The following PKN2 variants were observed in gnomAD, a reference collection of about 807,000 sequenced individuals.
PKN2 encodes the protein serine/threonine-protein kinase N2.
PKN2 carries 38 observed loss-of-function variants against 119.1 expected under a neutral mutation model. The ratio of observed to expected loss-of-function variants is 0.32; its 90% confidence interval spans 0.25 to 0.42. The LOEUF is 0.42. PKN2 is among the 10% of genes least tolerant of loss of function. PKN2 has a pLI of 1.00. For missense variants in PKN2, 850 were observed against 1,165.1 expected, an observed-to-expected ratio of 0.73 and a Z score of 3.94; for synonymous variants, 390 against 384.9, an observed-to-expected ratio of 1.01 and a Z score of -0.15.
chr1:88,825,822 C>T (rs1463519923), intron 18 of PKN2, among the ~76,000 whole-genome samples: 1 of 152,202 alleles, frequency 6.6e-6, no homozygotes, highest in East Asian at 1.9e-4. Flanking sequence ...GATAAGGTGA[C>T]ATACAGTGCC....
At chr1:88,721,902 A>G (rs1315875625) in intron 1 of PKN2, among the ~76,000 whole-genome samples, 4 of 152,082 alleles carry the variant, frequency 2.6e-5, no homozygotes, top group Non-Finnish European at 5.9e-5. Flanking sequence ...CACACATGGA[A>G]TTTTCTGAGG....
chr1:88,786,664 C>T (rs953960957), intron 8 of PKN2, among the ~76,000 whole-genome samples: 5 of 152,048 alleles, frequency 3.3e-5, no homozygotes, highest in Admixed American at 2.0e-4. Flanking sequence ...GGCCATAGAA[C>T]CCATCAGAAG....
At chr1:88,804,260 A>G (rs1168997693) in intron 8 of PKN2, 131 bp from the exon 9 acceptor site, 1 of 666,054 alleles carries the variant, frequency 1.5e-6, no homozygotes, top group African/African-American at 1.8e-5. Flanking sequence ...CCTCTTTAAA[A>G]CAGTGTGACC....
At chr1:88,797,829 T>G (rs1221458496) in intron 8 of PKN2, among the ~76,000 whole-genome samples, 1 of 151,262 alleles carries the variant, frequency 6.6e-6, no homozygotes, top group East Asian at 2.0e-4. Flanking sequence ...CATTTAGCAC[T>G]GTGAGAAATG....
intron 19 of PKN2, chr1:88,829,098 C>G: frequency 1.4e-6 from 1 of 707,924 alleles, no homozygotes; most frequent in Non-Finnish European, 2.7e-6. Context: ...TTCGTAAGAA[C>G]AAAATGGATG....
At chr1:88,743,234 G>A (rs1281307400) in intron 2 of PKN2, among the ~76,000 whole-genome samples, 1 of 152,090 alleles carries the variant, frequency 6.6e-6, no homozygotes, top group Non-Finnish European at 1.5e-5. Flanking sequence ...ATGACAAAAT[G>A]CACGTATTTT....
intron 1 of PKN2, among the ~76,000 whole-genome samples, chr1:88,709,414 G>C (rs1480179151): frequency 6.6e-6 from 1 of 152,126 alleles, no homozygotes. Flanking sequence ...AAATATGGCA[G>C]GGGAAGATAG....
intron 6 of PKN2, among the ~76,000 whole-genome samples, chr1:88,783,442 C>A (rs887639843): frequency 6.6e-6 from 1 of 151,148 alleles, no homozygotes; most frequent in African/African-American, 2.5e-5. Flanking sequence ...GATCACTATT[C>A]GTCTTTAACC....
At chr1:88,800,792 TTTTG>T (rs577794923) in intron 8 of PKN2, among the ~76,000 whole-genome samples, 1 of 152,232 alleles carries the variant, frequency 6.6e-6, no homozygotes, top group East Asian at 1.9e-4. Context: ...CTCTTACCTT[TTTTG>T]TTTACTTTCA....
intron 16 of PKN2, among the ~76,000 whole-genome samples, chr1:88,821,294 A>G (rs1672281019): frequency 6.6e-6 from 1 of 152,186 alleles, no homozygotes; most frequent in Non-Finnish European, 1.5e-5. Flanking sequence ...ATAATATGAT[A>G]AAAGCCTTAT....
chr1:88,818,858 C>T (rs187332990), intron 16 of PKN2, among the ~76,000 whole-genome samples: 1 of 152,106 alleles, frequency 6.6e-6, no homozygotes, highest in Non-Finnish European at 1.5e-5. Context: ...AGAACAGAGG[C>T]CTCAGAAATA....
chr1:88,829,173 T>G (rs1029738012), intron 19 of PKN2: 1 of 739,880 alleles, frequency 1.4e-6, no homozygotes, highest in African/African-American at 1.7e-5. Flanking sequence ...ATTGATATCA[T>G]CCGATGGCCA....
In PKN2 at chr1:88,734,433, G is replaced by A. The variant is rs560779047; in HGVS notation, c.49-6555G>A. On this transcript the variant is annotated intron_variant, in intron 1 of 21. Transcript: ENST00000370521. ...TTTCATTCTCTCATGTGGATATCCA[G>A]TTTTCCCAACACCACTTGTTGCCCT... Among the ~76,000 whole-genome samples, 9 of 152,266 alleles carry A rather than the reference G, an allele frequency of 5.9e-5. No individual in the cohort carries two copies. The South Asian group carries it at 1.7e-3, about 28-fold the overall frequency.
chr1:88,812,473 T>C (rs575071004), intron 15 of PKN2, among the ~76,000 whole-genome samples: 1 of 152,218 alleles, frequency 6.6e-6, no homozygotes, highest in South Asian at 2.1e-4. Context: ...GGTATGGTGG[T>C]TCATACCTGT....
rs369061418 is a variant in PKN2, at chr1:88,828,588, C to T, written c.2527C>T (p.Leu843Phe). ...SYTRAVDWWGLGVLIYEMLVG... is the reference protein window; with the variant it reads ...SYTRAVDWWGFGVLIYEMLVG... ...TACAAGGGCTGTAGATTGGTGGGGC[C>T]TTGGCGTGCTTATATATGAAATGCT... is the stretch of plus-strand genomic sequence containing the variant. The change falls in exon 19 of 22, where the codon CTT becomes TTT. Residue 843 changes from leucine to phenylalanine, a missense_variant. Coordinates refer to ENST00000370521, the MANE Select transcript of PKN2 (RefSeq NM_006256.4). 3.2e-5 allele frequency: 52 copies of T among 1,612,782 alleles called. No homozygotes were observed. The highest frequency in any genetic ancestry group is 4.1e-5 in the Non-Finnish European group (48 of 1,179,132).
chr1:88,781,299 T>A (rs1424802688), intron 6 of PKN2: 1 of 281,012 alleles, frequency 3.6e-6, no homozygotes, highest in East Asian at 1.5e-4. Context: ...AAGGTATAAT[T>A]GTTTTTTTGT....
Position 88,807,675 on chromosome 1 carries a change from T to G in PKN2, c.2011-9T>G, listed in dbSNP as rs1412670757. 1 of 1,575,710 alleles carries G rather than the reference T, an allele frequency of 6.3e-7. No individual in the cohort carries two copies. Among genetic ancestry groups the G allele is most frequent in the South Asian group, 1.2e-5 (1 of 85,938 alleles). On this transcript the variant is annotated splice_polypyrimidine_tract_variant and intron_variant, in intron 14 of 21. Transcript: ENST00000370521. ...CAAGTGGAAAATAATTATTTTAATT[T>G]TATTTCAGGTGCTTTTAGCTGAATA...
chr1:88,703,691 A>G (rs1355546336), intron 1 of PKN2, among the ~76,000 whole-genome samples: 1 of 152,206 alleles, frequency 6.6e-6, no homozygotes, highest in African/African-American at 2.4e-5. Context: ...TTCTAGGAAC[A>G]ACATAATGTG....
chr1:88,821,476 A>G lies in PKN2; in HGVS notation c.2280-465A>G, dbSNP rs150745200. Among the ~76,000 whole-genome samples the G allele has an allele frequency of 2.0e-5, 3 of 152,310 alleles. No individual in the cohort carries two copies. The East Asian group carries it at 5.8e-4, about 29-fold the overall frequency. On this transcript the variant is annotated intron_variant, in intron 16 of 21. Transcript: ENST00000370521. Reference sequence around the variant, plus strand: ...TGACATTCAAGGTCCTTCGCCCAGGATATCTTTTCAGCCTAATCTCCTACT... The same window carrying G: ...TGACATTCAAGGTCCTTCGCCCAGGGTATCTTTTCAGCCTAATCTCCTACT...
Sources: gnomAD v4.1 joint callset for allele counts (sites outside exome capture counted in the v4.1 genomes callset) on GRCh38, gnomAD v4.1.1 for gene constraint, MANE v1.5 for transcripts, NCBI Gene and HGNC (gene_info 2026-07-23, HGNC 2026-07-21) for gene names.